The following ADAMTS3 variants were observed in gnomAD, a reference collection of about 807,000 sequenced individuals.
ADAMTS3 encodes A disintegrin and metalloproteinase with thrombospondin motifs 3.
ADAMTS3 carries 73 observed loss-of-function variants against 129.0 expected under a neutral mutation model. The observed-to-expected ratio is 0.57, with a 90% CI of 0.47 to 0.69. The LOEUF (loss-of-function observed/expected upper bound fraction) is 0.69, where lower values mean the gene tolerates loss of function less well. Ranked by LOEUF, ADAMTS3 falls within the 30% of genes least tolerant of loss-of-function variation. The pLI is 0.00. For synonymous variants in ADAMTS3, 477 were observed against 510.8 expected, an observed-to-expected ratio of 0.93 and a Z score of 0.89; for missense variants, 1,457 against 1,514.5, an observed-to-expected ratio of 0.96 and a Z score of 0.63.
intron 10 of ADAMTS3, 22 bp from the exon 11 acceptor site, chr4:72,315,993 T>C (rs909646128): frequency 2.7e-6 from 4 of 1,489,852 alleles, no homozygotes; most frequent in Admixed American, 1.8e-5. Context: ...ATAATCAAAT[T>C]GTCAGTGAAC....
At chr4:72,518,977 A>T (rs376232083) in intron 3 of ADAMTS3, among the ~76,000 whole-genome samples, 5 of 151,722 alleles carry the variant, frequency 3.3e-5, no homozygotes. Flanking sequence ...GGCTGGTACC[A>T]GTTGTTCCTT....
Position 72,414,814 on chromosome 4 carries a change from C to A in ADAMTS3, c.661+1G>T, listed in dbSNP as rs1722263374. The A allele has an allele frequency of 7.0e-7, 1 of 1,434,506 alleles. No individual in the cohort carries two copies. The highest frequency in any genetic ancestry group is 2.8e-5 in the Admixed American group (1 of 36,238). 88.9% of individuals were successfully genotyped at this position (1,434,506 alleles called of 1,614,324 possible). A position where few individuals can be genotyped will look rare whatever the true frequency, so the allele number is the denominator to read the frequency against. On this transcript the variant is annotated splice_donor_variant, in intron 4 of 21. Coordinates refer to ENST00000286657, the MANE Select transcript of ADAMTS3 (RefSeq NM_014243.3). LOFTEE classifies it high-confidence loss of function. ...TTATTAAGCTTTGTCAAGACGCCTA[C>A]CTCTGTAGTGGAAGTCTTTGGACAT...
At chr4:72,509,684 C>G (rs1031986394) in intron 3 of ADAMTS3, among the ~76,000 whole-genome samples, 5 of 151,728 alleles carry the variant, frequency 3.3e-5, no homozygotes, top group South Asian at 2.1e-4. Flanking sequence ...TTCTACCAAC[C>G]ATTTAAAGAA....
At chr4:72,415,191 A>AT (rs1722274758) in intron 3 of ADAMTS3, among the ~76,000 whole-genome samples, 1 of 152,062 alleles carries the variant, frequency 6.6e-6, no homozygotes, top group Admixed American at 6.6e-5. Flanking sequence ...ATATTAAGGT[A>AT]TTACGGAATA....
At chr4:72,322,781 A>G (rs773157457) in intron 6 of ADAMTS3, among the ~76,000 whole-genome samples, 2 of 152,144 alleles carry the variant, frequency 1.3e-5, no homozygotes, top group African/African-American at 2.4e-5. Context: ...GTAATTATCT[A>G]CCTCTTTAGA....
intron 3 of ADAMTS3, among the ~76,000 whole-genome samples, chr4:72,469,436 T>C (rs1719005537): frequency 6.6e-6 from 1 of 152,130 alleles, no homozygotes; most frequent in African/African-American, 2.4e-5. Context: ...TGGATAATAG[T>C]GACTTCATAA....
rs562207477 is a variant in ADAMTS3, at chr4:72,432,836, T to C, written c.505-17865A>G. ...ACAGCAAAAGAAAATGTGTATTACA[T>C]GCCAAGCTTTTAACATTATTCAGAA... On this transcript the variant is annotated intron_variant, in intron 3 of 21. Transcript: ENST00000286657. Among the ~76,000 whole-genome samples the C allele has an allele frequency of 1.2e-3, 183 of 152,082 alleles. 1 individual carries two copies. Among genetic ancestry groups the C allele is most frequent in the African/African-American group, 4.1e-3 (171 of 41,554 alleles).
intron 16 of ADAMTS3, 145 bp downstream of exon 16, chr4:72,305,842 G>A: frequency 1.4e-6 from 1 of 703,166 alleles, no homozygotes; most frequent in Non-Finnish European, 2.5e-6. Flanking sequence ...GTATGCACAT[G>A]TACGTACATA....
Position 72,283,708 on chromosome 4 carries a change from C to T in ADAMTS3, c.3050-4G>A, listed in dbSNP as rs1410803136. The T allele has an allele frequency of 3.3e-6, 5 of 1,522,920 alleles. No homozygotes were observed. The highest frequency in any genetic ancestry group is 4.4e-6 in the Non-Finnish European group (5 of 1,132,940). The allele number at this position is 1,522,920 out of a possible 1,614,324, so 94.3% of individuals were successfully genotyped here. On this transcript the variant is annotated splice_region_variant and splice_polypyrimidine_tract_variant and intron_variant, in intron 21 of 21. Transcript: ENST00000286657. ...TTGTCTCCCAAACATGGTTCATCTG[C>T]AAAAATAAAAAGAAAATAAACTAAC...
chr4:72,425,483 CT>C (rs959920441), intron 3 of ADAMTS3, among the ~76,000 whole-genome samples: 8 of 152,092 alleles, frequency 5.3e-5, no homozygotes, highest in African/African-American at 1.9e-4. Flanking sequence ...ATCCCTCCCC[CT>C]TCCCCTTACC....
intron 3 of ADAMTS3, among the ~76,000 whole-genome samples, chr4:72,479,367 A>C (rs1316990253): frequency 1.3e-5 from 2 of 151,754 alleles, no homozygotes; most frequent in African/African-American, 2.4e-5. Flanking sequence ...TGGAACAGAA[A>C]AGAGCCCTCA....
intron 4 of ADAMTS3, among the ~76,000 whole-genome samples, chr4:72,343,124 T>A (rs1720182680): frequency 6.6e-6 from 1 of 152,116 alleles, no homozygotes; most frequent in Non-Finnish European, 1.5e-5. Flanking sequence ...TTGGACCAGG[T>A]GTAACAGTTA....
chr4:72,504,145 T>C (rs997513105), intron 3 of ADAMTS3, among the ~76,000 whole-genome samples: 6 of 152,210 alleles, frequency 3.9e-5, no homozygotes, highest in Admixed American at 6.5e-5. Context: ...TGTTGACTGG[T>C]TGCTTTGTAG....
intron 4 of ADAMTS3, among the ~76,000 whole-genome samples, chr4:72,409,991 A>G (rs1421221912): frequency 8.0e-6 from 1 of 125,266 alleles, no homozygotes; most frequent in South Asian, 2.8e-4. Context: ...ACTTGATCTT[A>G]GTAATTTAGT....
chr4:72,513,188 T>A (rs935623493), intron 3 of ADAMTS3, among the ~76,000 whole-genome samples: 4 of 152,190 alleles, frequency 2.6e-5, no homozygotes, highest in African/African-American at 9.7e-5. Context: ...ATGCAATGTG[T>A]CTTAGATAAA....
At chr4:72,413,061 T>G (rs1392306674) in intron 4 of ADAMTS3, among the ~76,000 whole-genome samples, 1 of 152,012 alleles carries the variant, frequency 6.6e-6, no homozygotes, top group Non-Finnish European at 1.5e-5. Flanking sequence ...ACATAATATT[T>G]CTTGTAACTT....
chr4:72,560,027 A>G (rs1721864318), intron 2 of ADAMTS3, among the ~76,000 whole-genome samples: 1 of 151,690 alleles, frequency 6.6e-6, no homozygotes, highest in Admixed American at 6.6e-5. Context: ...CAGAGAACTC[A>G]GAAATAACAC....
At chr4:72,404,040 C>G (rs1261577611) in intron 4 of ADAMTS3, among the ~76,000 whole-genome samples, 1 of 152,058 alleles carries the variant, frequency 6.6e-6, no homozygotes, top group Non-Finnish European at 1.5e-5. Context: ...AAAGACATCC[C>G]ATGTCCATGC....
At chr4:72,326,461 C>T (rs537451621) in intron 5 of ADAMTS3, among the ~76,000 whole-genome samples, 2 of 151,946 alleles carry the variant, frequency 1.3e-5, no homozygotes, top group Admixed American at 6.6e-5. Flanking sequence ...AATAATATGG[C>T]ACCATATTAT....
Sources: allele counts gnomAD v4.1 joint callset (sites outside exome capture counted in the v4.1 genomes callset), GRCh38; gene constraint gnomAD v4.1.1; transcripts MANE v1.5; gene names NCBI Gene and HGNC (gene_info 2026-07-23, HGNC 2026-07-21).